The following ERCC3 variants were observed in gnomAD, a reference collection of about 807,000 sequenced individuals.
ERCC3 encodes the protein ERCC excision repair 3, TFIIH core complex helicase subunit, also known as general transcription and DNA repair factor IIH helicase/translocase subunit XPB.
Under a neutral mutation model 94.2 loss-of-function variants are expected in ERCC3, and 66 were observed. The ratio of observed to expected loss-of-function variants is 0.70; its 90% CI spans 0.57 to 0.86. ERCC3 has a LOEUF of 0.86. Ranked by LOEUF, ERCC3 falls within the 40% of genes least tolerant of loss-of-function variation. The probability of loss-of-function intolerance (pLI) is 0.00; values close to 1 mark genes in which losing one functional copy is unlikely to be tolerated. For synonymous variants in ERCC3, 349 were observed against 369.1 expected, an observed-to-expected ratio of 0.95 and a Z score of 0.63; for missense variants, 829 against 987.1, an observed-to-expected ratio of 0.84 and a Z score of 2.15.
rs991147601 is a variant in ERCC3, at chr2:127,271,203, T to C, written c.1945+133A>G. 3 of 764,132 alleles carry C rather than the reference T, an allele frequency of 3.9e-6. No individual in the cohort carries two copies. The highest frequency in any genetic ancestry group is 3.4e-5 in the African/African-American group (2 of 58,562). The allele number at this position is 764,132 out of a possible 1,614,324, so 47.3% of individuals were successfully genotyped here. A position where few individuals can be genotyped will look rare whatever the true frequency, so the allele number is the denominator to read the frequency against. On this transcript the variant is annotated intron_variant, in intron 12 of 14. Transcript: ENST00000285398. This position sits in a 1 kb window ranked among gnomAD's most constrained non-coding sequence, Gnocchi z 5.0. ...GATGGGCCATAAGGATCTAGGTCTTTGCTTTGGGATTCTCTCCCTCCAGAG... is the reference window on the plus strand; with the variant it reads ...GATGGGCCATAAGGATCTAGGTCTTCGCTTTGGGATTCTCTCCCTCCAGAG...
rs1275815206 is a variant in ERCC3, at chr2:127,277,835, G to A, written c.1730+1338C>T. ...ATGGTAGGAGAGAAAACAGGAGTGGGGAGAGTGGTGTATGTAAGAAAGCTA... is the reference window on the plus strand; with the variant it reads ...ATGGTAGGAGAGAAAACAGGAGTGGAGAGAGTGGTGTATGTAAGAAAGCTA... On this transcript the variant is annotated intron_variant, in intron 10 of 14. Coordinates refer to ENST00000285398, the MANE Select transcript of ERCC3 (RefSeq NM_000122.2). This position sits in a 1 kb window ranked among gnomAD's most constrained non-coding sequence, Gnocchi z 5.1. Among the ~76,000 whole-genome samples the A allele has an allele frequency of 1.3e-5, 2 of 152,224 alleles. No individual in the cohort carries two copies. Among genetic ancestry groups the A allele is most frequent in the Non-Finnish European group, 2.9e-5 (2 of 68,040 alleles).
rs1429345925 is a variant in ERCC3 at position 127,259,820 on chromosome 2, C to T, written c.2065-372G>A. On this transcript the variant is annotated intron_variant, in intron 13 of 14. Transcript: ENST00000285398. The surrounding 1 kb of genome is among the most constrained non-coding windows in gnomAD (Gnocchi z 4.9). Reference sequence around the variant, plus strand: ...GGAAGGGACAAGTGACTGGAAGGCACAGGCTGTGGCCCTTTGTGAAGGTCC... The same window carrying T: ...GGAAGGGACAAGTGACTGGAAGGCATAGGCTGTGGCCCTTTGTGAAGGTCC... The T allele has an allele frequency of 2.0e-5, 7 of 352,028 alleles. No individual in the cohort carries two copies. Among genetic ancestry groups the T allele is most frequent in the Non-Finnish European group, 1.1e-5 (2 of 181,006 alleles). The allele number at this position is 352,028 out of a possible 1,614,324, so 21.8% of individuals were successfully genotyped here. A position where few individuals can be genotyped will look rare whatever the true frequency, so the allele number is the denominator to read the frequency against.
rs765463072 is a variant in ERCC3, at chr2:127,289,723, T to G, written c.623A>C (p.Glu208Ala). The G allele has an allele frequency of 2.5e-6, 4 of 1,614,130 alleles. No individual in the cohort carries two copies. In the Admixed American group the frequency reaches 5.0e-5, roughly 20 times the overall value. ...GCTTGTGAAAGTCTCTGTGATGAGC[T>G]CAGTGGCCTCCCCTTCAGAGTTTCT... is the stretch of plus-strand genomic sequence containing the variant. Reference protein sequence around the residue: ...RLRNSEGEATELITETFTSKS... With the variant: ...RLRNSEGEATALITETFTSKS... Residue 208 changes from glutamate (E) to alanine (A), a missense_variant, in exon 5 of 15, where the codon GAG (glutamate) becomes GCG (alanine). Glu to Ala is a moderately radical substitution (Grantham distance 107). Coordinates refer to ENST00000285398, the MANE Select transcript of ERCC3 (RefSeq NM_000122.2).
intron 7 of ERCC3, among the ~76,000 whole-genome samples, chr2:127,288,164 C>T (rs1685140112): frequency 6.6e-6 from 1 of 152,078 alleles, no homozygotes; most frequent in Non-Finnish European, 1.5e-5. Context: ...CAAACAGGTG[C>T]CCAGGGGGCC....
rs889012387 is a variant in ERCC3 at position 127,271,270 on chromosome 2, G to T, written c.1945+66C>A. 3 of 1,111,764 alleles carry T rather than the reference G, an allele frequency of 2.7e-6. No homozygotes were observed. Among genetic ancestry groups the T allele is most frequent in the Non-Finnish European group, 4.2e-6 (3 of 721,860 alleles). The allele number at this position is 1,111,764 out of a possible 1,614,324, so 68.9% of individuals were successfully genotyped here. Reference sequence around the variant, plus strand: ...GCACATGGCAGCTCTCACCCCTATCGTCTTCCTAACTAAAGTGGTTTAAGA... The same window carrying T: ...GCACATGGCAGCTCTCACCCCTATCTTCTTCCTAACTAAAGTGGTTTAAGA... On this transcript the variant is annotated intron_variant, in intron 12 of 14. Coordinates refer to ENST00000285398, the MANE Select transcript of ERCC3 (RefSeq NM_000122.2). The surrounding 1 kb of genome is among the most constrained non-coding windows in gnomAD (Gnocchi z 5.0).
intron 12 of ERCC3, among the ~76,000 whole-genome samples, chr2:127,268,942 C>T (rs965038272): frequency 1.2e-4 from 18 of 152,188 alleles, no homozygotes; most frequent in African/African-American, 4.3e-4. Flanking sequence ...ATAAAGGTTA[C>T]TTGAAAACAA....
chr2:127,283,773 T>C (rs1038402997), intron 8 of ERCC3, among the ~76,000 whole-genome samples: 10 of 152,216 alleles, frequency 6.6e-5, no homozygotes, highest in Non-Finnish European at 1.2e-4. Flanking sequence ...TATGGGAGCA[T>C]CCTGTGGTGG....
In ERCC3 at chr2:127,280,715, TG is replaced by T. The variant is rs1684882147; in HGVS notation, c.1343-85del. 1.6e-6 allele frequency: 2 copies of T among 1,268,286 alleles called. No homozygotes were observed. The highest frequency in any genetic ancestry group is 1.5e-5 in the African/African-American group (1 of 67,002). The allele number at this position is 1,268,286 out of a possible 1,614,324, so 78.6% of individuals were successfully genotyped here. On this transcript the variant is annotated intron_variant, in intron 8 of 14. Transcript: ENST00000285398. The surrounding 1 kb of genome is among the most constrained non-coding windows in gnomAD (Gnocchi z 6.3). ...TATTTTAAAATATTTTTTGTAGAGA[TG>T]GGGTCTCATTATATTGCCCAGGCTG... is the stretch of plus-strand genomic sequence containing the variant.
rs762243533 is a variant in ERCC3, at chr2:127,291,779, A to G, written c.471+831T>C. 6.6e-6 allele frequency: 1 copy of G among 152,400 alleles called. No homozygotes were observed. The highest frequency in any genetic ancestry group is 1.5e-5 in the Non-Finnish European group (1 of 68,152). 9.4% of individuals were successfully genotyped at this position (152,400 alleles called of 1,614,324 possible). A position where few individuals can be genotyped will look rare whatever the true frequency, so the allele number is the denominator to read the frequency against. On this transcript the variant is annotated intron_variant, in intron 3 of 14. Coordinates refer to ENST00000285398, the MANE Select transcript of ERCC3 (RefSeq NM_000122.2). This position sits in a 1 kb window ranked among gnomAD's most constrained non-coding sequence, Gnocchi z 4.9. Reference sequence around the variant, plus strand: ...ACCCATCTCGCAGAAGAAACCTAGCATGTTCAACTATTAATCACATGGAAC... The same window carrying G: ...ACCCATCTCGCAGAAGAAACCTAGCGTGTTCAACTATTAATCACATGGAAC...
rs778840791 is a variant in ERCC3, at chr2:127,292,880, A to C, written c.235-34T>G. ...TACCAAATGGACAAAACAGACAAGG[A>C]AACATGAGTTGCAGAGACTACTGGG... On this transcript the variant is annotated intron_variant, in intron 2 of 14. Coordinates refer to ENST00000285398, the MANE Select transcript of ERCC3 (RefSeq NM_000122.2). 1.0e-5 allele frequency: 14 copies of C among 1,384,634 alleles called. No individual in the cohort carries two copies. In the South Asian group the frequency reaches 1.3e-4, roughly 13 times the overall value. 85.8% of individuals were successfully genotyped at this position (1,384,634 alleles called of 1,614,324 possible).
intron 12 of ERCC3, among the ~76,000 whole-genome samples, chr2:127,263,279 C>T (rs1381827569): frequency 6.6e-6 from 1 of 152,158 alleles, no homozygotes; most frequent in East Asian, 1.9e-4. Flanking sequence ...ATTGCTTCTT[C>T]CAATCCTCAA....
At chr2:127,292,453 C>T in intron 3 of ERCC3, 157 bp downstream of exon 3, 6 of 750,526 alleles carry the variant, frequency 8.0e-6, no homozygotes, top group Non-Finnish European at 1.5e-5. Context: ...AATGCTGGAT[C>T]CAGAGTGTAG....
rs1227572874 is a variant in ERCC3, at chr2:127,274,084, T to G, written c.1731-1123A>C. Among the ~76,000 whole-genome samples the G allele has an allele frequency of 2.7e-5, 4 of 147,414 alleles. No individual in the cohort carries two copies. The highest frequency in any genetic ancestry group is 1.0e-4 in the African/African-American group (4 of 39,748). On this transcript the variant is annotated intron_variant, in intron 10 of 14. Coordinates refer to ENST00000285398, the MANE Select transcript of ERCC3 (RefSeq NM_000122.2). This position sits in a 1 kb window ranked among gnomAD's most constrained non-coding sequence, Gnocchi z 4.0. Reference sequence around the variant, plus strand: ...ATCCCAGCACTTTGGGAGGCGGAGGTGGGTGGATCACCTGAGGCCAGGAGT... The same window carrying G: ...ATCCCAGCACTTTGGGAGGCGGAGGGGGGTGGATCACCTGAGGCCAGGAGT...
intron 12 of ERCC3, among the ~76,000 whole-genome samples, chr2:127,266,399 G>A (rs561104039): frequency 2.1e-5 from 3 of 144,448 alleles, no homozygotes; most frequent in South Asian, 2.3e-4. Context: ...GCAGTGGCGC[G>A]ATCTCGGCTC....
At position 127,288,712 on chromosome 2, in the gene ERCC3, T is replaced by C. The variant is rs1685163349; in HGVS notation, c.975A>G (p.Arg325=). The C allele has an allele frequency of 6.2e-7, 1 of 1,614,016 alleles. No individual in the cohort carries two copies. Among genetic ancestry groups the C allele is most frequent in the Non-Finnish European group, 8.5e-7 (1 of 1,180,026 alleles). ...VLRPYQEKSL[R]KMFGNGRARS... ...GTGCACGCCCGTTTCCAAACATCTT[T>C]CGCAAGCTCTTCTCCTGATAGGGTC... Residue 325 remains arginine (R), a synonymous_variant, in exon 7 of 15, where the codon CGA becomes CGG. Transcript: ENST00000285398.
chr2:127,259,832 C>T lies in ERCC3; in HGVS notation c.2065-384G>A. 3.0e-6 allele frequency: 1 copy of T among 336,300 alleles called. No homozygotes were observed. Among genetic ancestry groups the T allele is most frequent in the South Asian group, 2.6e-5 (1 of 39,212 alleles). 20.8% of individuals were successfully genotyped at this position (336,300 alleles called of 1,614,324 possible). A position where few individuals can be genotyped will look rare whatever the true frequency, so the allele number is the denominator to read the frequency against. On this transcript the variant is annotated intron_variant, in intron 13 of 14. Coordinates refer to ENST00000285398, the MANE Select transcript of ERCC3 (RefSeq NM_000122.2). The surrounding 1 kb of genome is among the most constrained non-coding windows in gnomAD (Gnocchi z 4.9). ...TGACTGGAAGGCACAGGCTGTGGCC[C>T]TTTGTGAAGGTCCCTGGCATCTGCT...
At position 127,261,353 on chromosome 2, in the gene ERCC3, GA is replaced by G. The variant is rs754319939; in HGVS notation, c.1946-8del. 4 of 1,490,870 alleles carry G rather than the reference GA, an allele frequency of 2.7e-6. No individual in the cohort carries two copies. The highest frequency in any genetic ancestry group is 3.7e-6 in the Non-Finnish European group (4 of 1,067,704). The allele number at this position is 1,490,870 out of a possible 1,614,324, so 92.4% of individuals were successfully genotyped here. ...TACTCTTCTGCAACCATCCCTGCAG[GA>G]AAAAATGAGAAACGGCAATAAAGAA... On this transcript the variant is annotated splice_region_variant and splice_polypyrimidine_tract_variant and intron_variant, in intron 12 of 14. Coordinates refer to ENST00000285398, the MANE Select transcript of ERCC3 (RefSeq NM_000122.2).
intron 10 of ERCC3, among the ~76,000 whole-genome samples, chr2:127,273,825 G>A (rs887010676): frequency 1.1e-4 from 16 of 150,970 alleles, no homozygotes; most frequent in African/African-American, 3.9e-4. Context: ...GAACTCAATG[G>A]TTATCATCCC....
In ERCC3 at chr2:127,280,805, A is replaced by G; in HGVS notation, c.1343-174T>C. ...GCCTCCCAAAGTGCTGGGATTACAG[A>G]CGTGACCCACTGCACCCAGCCTACA... On this transcript the variant is annotated intron_variant, in intron 8 of 14. Coordinates refer to ENST00000285398, the MANE Select transcript of ERCC3 (RefSeq NM_000122.2). This position sits in a 1 kb window ranked among gnomAD's most constrained non-coding sequence, Gnocchi z 6.3. 3.6e-5 allele frequency: 23 copies of G among 642,890 alleles called. No individual in the cohort carries two copies. Among genetic ancestry groups the G allele is most frequent in the Non-Finnish European group, 5.2e-5 (19 of 366,272 alleles). 39.8% of individuals were successfully genotyped at this position (642,890 alleles called of 1,614,324 possible).
Sources: gnomAD v4.1 joint callset for allele counts (sites outside exome capture counted in the v4.1 genomes callset) on GRCh38, gnomAD v4.1.1 for gene constraint, Gnocchi (gnomAD v3.1) non-coding constraint, MANE v1.5 for transcripts, NCBI Gene and HGNC (gene_info 2026-07-23, HGNC 2026-07-21) for gene names.